Variants in MTUS2 observed in about 807,000 individuals in gnomAD.
MTUS2 encodes microtubule associated scaffold protein 2.
MTUS2 carries 40 observed loss-of-function variants against 114.1 expected under a neutral mutation model. The ratio of observed to expected loss-of-function variants is 0.35; its 90% confidence interval spans 0.27 to 0.46. The LOEUF is 0.46. Ranked by LOEUF, MTUS2 falls within the 20% of genes least tolerant of loss-of-function variation. MTUS2 has a pLI of 1.00. For missense variants in MTUS2, 1,679 were observed against 1,705.4 expected, an observed-to-expected ratio of 0.98 and a Z score of 0.27; for synonymous variants, 688 against 672.0, an observed-to-expected ratio of 1.02 and a Z score of -0.37.
At chr13:29,017,965 A>G (rs1010125262) in intron 2 of MTUS2, among the ~76,000 whole-genome samples, 7 of 152,252 alleles carry the variant, frequency 4.6e-5, no homozygotes, top group Admixed American at 2.6e-4. Context: ...GTACGTGGCT[A>G]TGATTAAAAA....
intron 2 of MTUS2, among the ~76,000 whole-genome samples, chr13:28,842,069 A>G (rs1227294071): frequency 2.6e-5 from 4 of 152,174 alleles, no homozygotes; most frequent in Non-Finnish European, 5.9e-5. Flanking sequence ...TACTCTGAAT[A>G]CAGAAGCACA....
At chr13:28,973,912 G>A (rs1883969407) in intron 2 of MTUS2, among the ~76,000 whole-genome samples, 1 of 152,172 alleles carries the variant, frequency 6.6e-6, no homozygotes, top group African/African-American at 2.4e-5. Context: ...GTGATGTGTT[G>A]CACTTAGGGC....
intron 2 of MTUS2, among the ~76,000 whole-genome samples, chr13:28,979,811 TA>T (rs1884276759): frequency 6.6e-6 from 1 of 152,198 alleles, no homozygotes; most frequent in South Asian, 2.1e-4. Flanking sequence ...CATTAAATGT[TA>T]AATGCTAACA....
At chr13:28,915,261 G>A (rs780318777) in intron 2 of MTUS2, among the ~76,000 whole-genome samples, 1 of 151,968 alleles carries the variant, frequency 6.6e-6, no homozygotes, top group Non-Finnish European at 1.5e-5. Flanking sequence ...AAACATAGGA[G>A]TGCAGATAGC....
chr13:28,961,210 T>C (rs1883312529), intron 2 of MTUS2, among the ~76,000 whole-genome samples: 1 of 152,114 alleles, frequency 6.6e-6, no homozygotes, highest in Non-Finnish European at 1.5e-5. Context: ...TAAAAATTAC[T>C]CAAATAGTGG....
chr13:28,871,945 G>C (rs1424213571), intron 2 of MTUS2, among the ~76,000 whole-genome samples: 1 of 152,194 alleles, frequency 6.6e-6, no homozygotes, highest in Admixed American at 6.5e-5. Context: ...GCCAGACCAG[G>C]AGGGAGGAGG....
chr13:28,912,124 A>AT (rs937055163), intron 2 of MTUS2, among the ~76,000 whole-genome samples: 48 of 151,432 alleles, frequency 3.2e-4, no homozygotes, highest in African/African-American at 1.1e-3. Context: ...TCCAGGTTTT[A>AT]TTTTTTTAAT....
At chr13:28,905,036 C>T (rs1879900625) in intron 2 of MTUS2, among the ~76,000 whole-genome samples, 1 of 151,594 alleles carries the variant, frequency 6.6e-6, no homozygotes, top group Non-Finnish European at 1.5e-5. Flanking sequence ...GGAGTTCACT[C>T]ATGATTTGGC....
chr13:29,316,223 C>A (rs1471383704), intron 6 of MTUS2, among the ~76,000 whole-genome samples: 1 of 152,178 alleles, frequency 6.6e-6, no homozygotes, highest in Non-Finnish European at 1.5e-5. Flanking sequence ...TGAAGGAGAC[C>A]TCCTGACCAG....
intron 7 of MTUS2, among the ~76,000 whole-genome samples, chr13:29,333,283 C>T (rs1287430703): frequency 6.6e-6 from 1 of 152,002 alleles, no homozygotes; most frequent in Non-Finnish European, 1.5e-5. Flanking sequence ...CTGTAACCTC[C>T]ACCTCCTGGG....
rs116841904 is a variant in MTUS2, at chr13:29,157,945, C to G, written c.2644+56975C>G. ...AAGTTGGTTAAGTGGGTCTACGTGA[C>G]AAAATAGAAATGGAGAAAGGAATTC... On this transcript the variant is annotated intron_variant, in intron 5 of 15. Coordinates refer to ENST00000612955, the MANE Select transcript of MTUS2 (RefSeq NM_001033602.4). Among the ~76,000 whole-genome samples the G allele has an allele frequency of 3.7e-4, 57 of 152,168 alleles. No individual in the cohort carries two copies. The East Asian group carries it at 9.8e-3, about 26-fold the overall frequency.
intron 6 of MTUS2, among the ~76,000 whole-genome samples, chr13:29,301,601 C>T (rs1000600049): frequency 5.3e-5 from 8 of 152,218 alleles, no homozygotes; most frequent in African/African-American, 1.7e-4. Context: ...GAAGTTAGAC[C>T]GAGATTACCA....
At chr13:28,958,731 C>T (rs998925020) in intron 2 of MTUS2, among the ~76,000 whole-genome samples, 1 of 152,040 alleles carries the variant, frequency 6.6e-6, no homozygotes, top group Non-Finnish European at 1.5e-5. Flanking sequence ...TGGAAGAGTG[C>T]GCATCACATA....
intron 2 of MTUS2, among the ~76,000 whole-genome samples, chr13:28,861,669 C>T (rs1876993565): frequency 6.6e-6 from 1 of 152,086 alleles, no homozygotes. Flanking sequence ...TTTACCGAGC[C>T]TACAACAGTG....
chr13:28,833,893 T>C (rs1874881524), intron 1 of MTUS2, among the ~76,000 whole-genome samples: 3 of 152,054 alleles, frequency 2.0e-5, no homozygotes, highest in African/African-American at 7.2e-5. Context: ...GCACTTACAA[T>C]TAATATGAAA....
chr13:29,021,420 C>T (rs1246919712), intron 2 of MTUS2, among the ~76,000 whole-genome samples: 1 of 152,198 alleles, frequency 6.6e-6, no homozygotes, highest in Non-Finnish European at 1.5e-5. Context: ...TAAAATACAA[C>T]TCTTTCTAGC....
chr13:29,433,671 T>C (rs893053362), intron 8 of MTUS2, among the ~76,000 whole-genome samples: 14 of 152,216 alleles, frequency 9.2e-5, no homozygotes, highest in Non-Finnish European at 1.9e-4. Context: ...ACAACTCAGA[T>C]ACTTGTATTT....
intron 2 of MTUS2, among the ~76,000 whole-genome samples, chr13:28,877,189 G>A (rs945684200): frequency 3.3e-5 from 5 of 151,012 alleles, no homozygotes; most frequent in African/African-American, 7.3e-5. Flanking sequence ...GTGGTGGCGG[G>A]CACCTGTAGT....
chr13:28,830,680 AT>A, intron 1 of MTUS2, among the ~76,000 whole-genome samples: 1 of 152,282 alleles, frequency 6.6e-6, no homozygotes, highest in South Asian at 2.1e-4. Context: ...GAATACCAAC[AT>A]ATGTATAATT....
Sources: gnomAD v4.1 joint callset for allele counts (sites outside exome capture counted in the v4.1 genomes callset) on GRCh38, gnomAD v4.1.1 for gene constraint, MANE v1.5 for transcripts, NCBI Gene and HGNC (gene_info 2026-07-23, HGNC 2026-07-21) for gene names.